The following COL24A1 variants were observed in gnomAD, a reference collection of about 807,000 sequenced individuals.
The protein encoded by COL24A1 is collagen type XXIV alpha 1 chain.
In COL24A1, 224 loss-of-function variants were observed where a neutral mutation model predicts 253.9. That is an observed-to-expected ratio of 0.88 (90% CI 0.79 to 0.99). The LOEUF (loss-of-function observed/expected upper bound fraction) is 0.99. COL24A1 is among the 50% of genes least tolerant of loss of function. The pLI, the probability that COL24A1 is intolerant of heterozygous loss-of-function variation, is 0.00. For missense variants in COL24A1, 2,131 were observed against 2,068.5 expected (o/e 1.03, Z -0.59); for synonymous variants, 685 against 673.7 (o/e 1.02, Z -0.26).
rs376113283 is a variant in COL24A1 at position 86,156,697 on chromosome 1, G to A, written c.-301C>T. 109 of 268,748 alleles carry A rather than the reference G, an allele frequency of 4.1e-4. 3 individuals are homozygous for A. The South Asian group carries it at 6.3e-3, about 15-fold the overall frequency. 16.6% of individuals were successfully genotyped at this position (268,748 alleles called of 1,614,324 possible). On this transcript the variant is annotated 5_prime_UTR_variant, in exon 1 of 60. Coordinates refer to ENST00000370571, the MANE Select transcript of COL24A1 (RefSeq NM_152890.7). Reference sequence around the variant, plus strand: ...CCTCACTGGGAGGCCTCGGGGCGCCGGCGGCAGCGGGAGCCGGGCTGCTAG... The same window carrying A: ...CCTCACTGGGAGGCCTCGGGGCGCCAGCGGCAGCGGGAGCCGGGCTGCTAG...
At chr1:86,090,723 AC>A (rs1489901939) in intron 6 of COL24A1, among the ~76,000 whole-genome samples, 2 of 152,144 alleles carry the variant, frequency 1.3e-5, no homozygotes, top group African/African-American at 4.8e-5. Context: ...TTTTAGGAAT[AC>A]CTCTATTAAT....
At chr1:85,958,400 T>C (rs1690696910) in intron 24 of COL24A1, among the ~76,000 whole-genome samples, 2 of 152,162 alleles carry the variant, frequency 1.3e-5, no homozygotes, top group Non-Finnish European at 2.9e-5. Context: ...ACAGTTTACA[T>C]ATTTCTTTCT....
intron 52 of COL24A1, among the ~76,000 whole-genome samples, chr1:85,776,488 A>G (rs1668556242): frequency 1.4e-5 from 1 of 69,182 alleles, no homozygotes; most frequent in Non-Finnish European, 2.8e-5. Flanking sequence ...ATATGTATAT[A>G]TATGTAAAAA....
intron 19 of COL24A1, among the ~76,000 whole-genome samples, chr1:86,002,227 G>A (rs1375110986): frequency 6.6e-6 from 1 of 152,176 alleles, no homozygotes; most frequent in African/African-American, 2.4e-5. Flanking sequence ...TCATAGATTA[G>A]TGCCACCATT....
At chr1:85,736,803 A>G (rs1664105873) in intron 58 of COL24A1, among the ~76,000 whole-genome samples, 1 of 152,214 alleles carries the variant, frequency 6.6e-6, no homozygotes, top group African/African-American at 2.4e-5. Flanking sequence ...TGTTATAGGT[A>G]CAGCTAGGAT....
Position 85,896,017 on chromosome 1 carries a change from T to C in COL24A1, c.2877+4A>G, listed in dbSNP as rs754640423. The C allele has an allele frequency of 3.7e-6, 6 of 1,608,336 alleles. No homozygotes were observed. The South Asian group carries it at 5.6e-5, about 15-fold the overall frequency. ...TCTTTAATGTGAAATGTTTTATTAC[T>C]TACAATAAGACCATGAGGCCCTCTT... On this transcript the variant is annotated splice_donor_region_variant and intron_variant, in intron 30 of 59. Coordinates refer to ENST00000370571, the MANE Select transcript of COL24A1 (RefSeq NM_152890.7).
At chr1:85,770,125 T>C (rs1667793791) in intron 53 of COL24A1, among the ~76,000 whole-genome samples, 1 of 152,200 alleles carries the variant, frequency 6.6e-6, no homozygotes, top group Non-Finnish European at 1.5e-5. Flanking sequence ...CATATGCTCT[T>C]GCTTCCTGTT....
At chr1:85,770,297 C>T (rs895913639) in intron 53 of COL24A1, among the ~76,000 whole-genome samples, 1 of 122,708 alleles carries the variant, frequency 8.1e-6, no homozygotes, top group Non-Finnish European at 1.8e-5. Context: ...CTCAAGCATA[C>T]CCTAAGATGA....
At chr1:86,044,438 CATAAT>C (rs932828704) in intron 12 of COL24A1, among the ~76,000 whole-genome samples, 3 of 151,942 alleles carry the variant, frequency 2.0e-5, no homozygotes, top group South Asian at 2.1e-4. Flanking sequence ...ATATAGCATA[CATAAT>C]ATATTACGGT....
chr1:85,844,924 A>G (rs1485336955), intron 39 of COL24A1, among the ~76,000 whole-genome samples: 2 of 151,900 alleles, frequency 1.3e-5, no homozygotes, highest in African/African-American at 4.8e-5. Context: ...GCACAGAAAA[A>G]TATGAAAAAT....
intron 5 of COL24A1, among the ~76,000 whole-genome samples, chr1:86,101,535 G>A (rs1704454680): frequency 6.6e-6 from 1 of 152,058 alleles, no homozygotes; most frequent in Non-Finnish European, 1.5e-5. Flanking sequence ...GTCATATATG[G>A]TTCTTATTAT....
At chr1:85,981,095 A>G (rs572697790) in intron 20 of COL24A1, among the ~76,000 whole-genome samples, 8 of 152,318 alleles carry the variant, frequency 5.3e-5, no homozygotes, top group Admixed American at 5.2e-4. Flanking sequence ...CTACAAATTC[A>G]ATGCAATTCT....
At position 85,796,694 on chromosome 1, in the gene COL24A1, T is replaced by G. The variant is rs147374582; in HGVS notation, c.3952-10233A>C. 1.6e-4 allele frequency among the ~76,000 whole-genome samples: 24 copies of G among 152,328 alleles called. No homozygotes were observed. In the East Asian group the frequency reaches 4.6e-3, roughly 29 times the overall value. On this transcript the variant is annotated intron_variant, in intron 47 of 59. Transcript: ENST00000370571. ...ATGAATGCATGTAAGCTTAACCATT[T>G]ATATTTATTATTATGAAAAGATGAT... is the stretch of plus-strand genomic sequence containing the variant.
At chr1:86,133,393 G>A (rs376709572) in intron 2 of COL24A1, among the ~76,000 whole-genome samples, 7 of 152,060 alleles carry the variant, frequency 4.6e-5, no homozygotes, top group Admixed American at 1.3e-4. Flanking sequence ...ACTATGTTGA[G>A]TAGGAGTGGT....
In COL24A1 at chr1:85,742,808, A is replaced by T. The variant is rs150644956; in HGVS notation, c.4672+1858T>A. ...CTCTACCTTAACCCATTTATTCCTGAGGTTGTAATTTTTTTGAATTTTTGC... is the reference window on the plus strand; with the variant it reads ...CTCTACCTTAACCCATTTATTCCTGTGGTTGTAATTTTTTTGAATTTTTGC... On this transcript the variant is annotated intron_variant, in intron 57 of 59. Transcript: ENST00000370571. 2.0e-3 allele frequency among the ~76,000 whole-genome samples: 298 copies of T among 152,212 alleles called. 1 individual carries two copies. Among genetic ancestry groups the T allele is most frequent in the African/African-American group, 6.7e-3 (279 of 41,520 alleles).
At chr1:86,114,568 A>G (rs1265707178) in intron 4 of COL24A1, among the ~76,000 whole-genome samples, 1 of 152,174 alleles carries the variant, frequency 6.6e-6, no homozygotes, top group East Asian at 1.9e-4. Flanking sequence ...TTTTTAATGC[A>G]AAACAGCTAG....
At chr1:86,084,908 G>A (rs773140029) in intron 7 of COL24A1, among the ~76,000 whole-genome samples, 2 of 151,992 alleles carry the variant, frequency 1.3e-5, no homozygotes, top group African/African-American at 2.4e-5. Flanking sequence ...CCCAAGCAGC[G>A]GCATTTGTAT....
chr1:85,871,710 G>T (rs956093789), intron 35 of COL24A1, among the ~76,000 whole-genome samples: 3 of 152,032 alleles, frequency 2.0e-5, no homozygotes, highest in African/African-American at 7.2e-5. Context: ...AATAATAAGA[G>T]CTATTTATGA....
intron 37 of COL24A1, among the ~76,000 whole-genome samples, chr1:85,858,808 A>C (rs1678805460): frequency 6.6e-6 from 1 of 151,276 alleles, no homozygotes; most frequent in Non-Finnish European, 1.5e-5. Context: ...TGGCATGATC[A>C]TGGCTCACTG....
Sources: gnomAD v4.1 joint callset for allele counts (sites outside exome capture counted in the v4.1 genomes callset) on GRCh38, gnomAD v4.1.1 for gene constraint, MANE v1.5 for transcripts, NCBI Gene and HGNC (gene_info 2026-07-23, HGNC 2026-07-21) for gene names.